The following PRRX2 variants were observed in gnomAD, a reference collection of about 807,000 sequenced individuals.
PRRX2 encodes the protein paired related homeobox 2, also known as paired mesoderm homeobox protein 2.
Under a neutral mutation model 18.0 loss-of-function variants are expected in PRRX2, and 11 were observed. That is an observed-to-expected ratio of 0.61 (90% CI 0.39 to 1.01). The LOEUF (loss-of-function observed/expected upper bound fraction) is 1.01. Ranked by LOEUF, PRRX2 falls within the 50% of genes least tolerant of loss-of-function variation. The pLI is 0.01. For synonymous variants in PRRX2, 177 were observed against 154.8 expected (o/e 1.14, Z -1.06); for missense variants, 387 against 351.0 (o/e 1.10, Z -0.82).
intron 1 of PRRX2, among the ~76,000 whole-genome samples, chr9:129,679,644 T>C (rs1333025467): frequency 6.6e-6 from 1 of 152,148 alleles, no homozygotes; most frequent in Non-Finnish European, 1.5e-5. Flanking sequence ...ACTGCGACCT[T>C]ACCCAGCCTC....
In PRRX2 at chr9:129,715,750, T is replaced by TCACA. The variant is rs58405360; in HGVS notation, c.260-3441_260-3438dup. 0.047 allele frequency among the ~76,000 whole-genome samples: 6,512 copies of TCACA among 138,810 alleles called. 161 individuals are homozygous for TCACA. Among genetic ancestry groups the TCACA allele is most frequent in the Middle Eastern group, 0.05 (14 of 280 alleles). The allele number at this position is 138,810 out of a possible 152,430, so 91.1% of individuals were successfully genotyped here. A position where few individuals can be genotyped will look rare whatever the true frequency, so the allele number is the denominator to read the frequency against. ...AAACCCAGCTTCAGGGACATCTTTCTCACACACACACACACACACACACAC... is the reference window on the plus strand; with the variant it reads ...AAACCCAGCTTCAGGGACATCTTTCTCACACACACACACACACACACACACACAC... On this transcript the variant is annotated intron_variant, in intron 1 of 3. Transcript: ENST00000372469. The surrounding 1 kb of genome is among the most constrained non-coding windows in gnomAD (Gnocchi z 4.0).
chr9:129,687,691 C>A (rs901028038), intron 1 of PRRX2, among the ~76,000 whole-genome samples: 1 of 152,314 alleles, frequency 6.6e-6, no homozygotes, highest in Non-Finnish European at 1.5e-5. Context: ...ATTCTAGCAG[C>A]CTGGTTGGTG....
chr9:129,703,678 A>G (rs1345933769), intron 1 of PRRX2, among the ~76,000 whole-genome samples: 1 of 151,966 alleles, frequency 6.6e-6, no homozygotes, highest in African/African-American at 2.4e-5. Context: ...ACCAAAAAAG[A>G]AAAAAAATTA....
rs1046271605 is a variant in PRRX2 at position 129,715,285 on chromosome 9, T to G, written c.260-3946T>G. On this transcript the variant is annotated intron_variant, in intron 1 of 3. Coordinates refer to ENST00000372469, the MANE Select transcript of PRRX2 (RefSeq NM_016307.4). This position sits in a 1 kb window ranked among gnomAD's most constrained non-coding sequence, Gnocchi z 4.0. ...AAGATAATTCATTGACGTGGGGGCCTGTCCTGTGTCTTGAAAGATATTTAG... is the reference window on the plus strand; with the variant it reads ...AAGATAATTCATTGACGTGGGGGCCGGTCCTGTGTCTTGAAAGATATTTAG... Among the ~76,000 whole-genome samples, 2 of 152,210 alleles carry G rather than the reference T, an allele frequency of 1.3e-5. No individual in the cohort carries two copies. Among genetic ancestry groups the G allele is most frequent in the African/African-American group, 4.8e-5 (2 of 41,452 alleles).
At chr9:129,689,984 CT>C (rs2130918089) in intron 1 of PRRX2, among the ~76,000 whole-genome samples, 1 of 151,968 alleles carries the variant, frequency 6.6e-6, no homozygotes, top group East Asian at 1.9e-4. Context: ...ATCTCTTGAC[CT>C]TGTGATCCGC....
intron 1 of PRRX2, among the ~76,000 whole-genome samples, chr9:129,693,054 G>C (rs1395406674): frequency 6.6e-6 from 1 of 152,168 alleles, no homozygotes; most frequent in East Asian, 1.9e-4. Context: ...ATCTTCGCCA[G>C]CATTTGGTTG....
intron 1 of PRRX2, among the ~76,000 whole-genome samples, chr9:129,678,471 G>C (rs1051513683): frequency 6.6e-6 from 1 of 152,200 alleles, no homozygotes; most frequent in Non-Finnish European, 1.5e-5. Flanking sequence ...GACAACACAC[G>C]ACGGGGCCCC....
intron 1 of PRRX2, among the ~76,000 whole-genome samples, chr9:129,710,358 G>C (rs956929976): frequency 3.9e-5 from 6 of 152,176 alleles, no homozygotes; most frequent in Middle Eastern, 3.2e-3. Flanking sequence ...CCTTGTAACT[G>C]GCACCAGAGG....
chr9:129,719,857 C>T (rs544999113), intron 2 of PRRX2, among the ~76,000 whole-genome samples: 3 of 152,214 alleles, frequency 2.0e-5, no homozygotes, highest in Non-Finnish European at 2.9e-5. Flanking sequence ...CGTGCTGGCG[C>T]GCGCCTGTAA....
At chr9:129,677,840 G>T (rs1416120922) in intron 1 of PRRX2, among the ~76,000 whole-genome samples, 2 of 152,018 alleles carry the variant, frequency 1.3e-5, no homozygotes, top group African/African-American at 4.8e-5. Flanking sequence ...GATTTCACTG[G>T]GAAGGAAGAA....
At chr9:129,712,783 T>C (rs1383389735) in intron 1 of PRRX2, 1 of 152,138 alleles carries the variant, frequency 6.6e-6, no homozygotes, top group Non-Finnish European at 1.5e-5. Flanking sequence ...GCAGAACTTT[T>C]CCTGAACAAA....
At chr9:129,696,085 A>G (rs1389002261) in intron 1 of PRRX2, among the ~76,000 whole-genome samples, 1 of 151,982 alleles carries the variant, frequency 6.6e-6, no homozygotes, top group East Asian at 1.9e-4. Context: ...AGAAAACGAA[A>G]AAAAAAAGAA....
rs1033941391 is a variant in PRRX2, at chr9:129,675,798, G to A, written c.259+9672G>A. ...TCAAAGCGGGAGCCGCCAGGCGGGC[G>A]CGCCTGGCAGGGGCCTCGCAGCCTC... is the stretch of plus-strand genomic sequence containing the variant. On this transcript the variant is annotated intron_variant, in intron 1 of 3. Coordinates refer to ENST00000372469, the MANE Select transcript of PRRX2 (RefSeq NM_016307.4). This position sits in a 1 kb window ranked among gnomAD's most constrained non-coding sequence, Gnocchi z 4.4. Among the ~76,000 whole-genome samples, 3 of 152,230 alleles carry A rather than the reference G, an allele frequency of 2.0e-5. No homozygotes were observed. The highest frequency in any genetic ancestry group is 4.4e-5 in the Non-Finnish European group (3 of 68,030).
At chr9:129,701,388 C>G (rs1270542354) in intron 1 of PRRX2, among the ~76,000 whole-genome samples, 1 of 152,230 alleles carries the variant, frequency 6.6e-6, no homozygotes, top group Non-Finnish European at 1.5e-5. Context: ...ATTGTCGAGG[C>G]ACTTTAGGTG....
At chr9:129,682,530 AC>A (rs1832246153) in intron 1 of PRRX2, among the ~76,000 whole-genome samples, 1 of 151,354 alleles carries the variant, frequency 6.6e-6, no homozygotes, top group Non-Finnish European at 1.5e-5. Flanking sequence ...CCCCAGCCCC[AC>A]CCTGGGGCGG....
At chr9:129,717,434 C>T (rs938484893) in intron 1 of PRRX2, among the ~76,000 whole-genome samples, 1 of 104,126 alleles carries the variant, frequency 9.6e-6, no homozygotes, top group Non-Finnish European at 1.9e-5. Flanking sequence ...TGGTGGCTCA[C>T]ACCTGTAATC....
At chr9:129,702,299 G>A (rs1832508160) in intron 1 of PRRX2, among the ~76,000 whole-genome samples, 1 of 151,862 alleles carries the variant, frequency 6.6e-6, no homozygotes, top group Admixed American at 6.6e-5. Flanking sequence ...TCGGGAGGCT[G>A]AGGCAGGAGA....
chr9:129,683,899 A>G lies in PRRX2; in HGVS notation c.259+17773A>G, dbSNP rs550590486. ...AGGTAAGGCTAAAGCCCAGGATCAG[A>G]CTTCAGAGCCCTCCTGTCCCTACCC... On this transcript the variant is annotated intron_variant, in intron 1 of 3. Transcript: ENST00000372469. 5.9e-5 allele frequency among the ~76,000 whole-genome samples: 9 copies of G among 152,230 alleles called. 1 individual carries two copies. In the South Asian group the frequency reaches 1.9e-3, roughly 32 times the overall value.
At chr9:129,689,341 A>G (rs1319334838) in intron 1 of PRRX2, among the ~76,000 whole-genome samples, 1 of 152,152 alleles carries the variant, frequency 6.6e-6, no homozygotes, top group African/African-American at 2.4e-5. Flanking sequence ...GTCTCTCAGG[A>G]CTGCCAGATT....
Sources: gnomAD v4.1 joint callset for allele counts (sites outside exome capture counted in the v4.1 genomes callset) on GRCh38, gnomAD v4.1.1 for gene constraint, Gnocchi (gnomAD v3.1) non-coding constraint, MANE v1.5 for transcripts, NCBI Gene and HGNC (gene_info 2026-07-23, HGNC 2026-07-21) for gene names.